The following EXOC3 variants were observed in gnomAD, a reference collection of about 807,000 sequenced individuals.
EXOC3 encodes the protein SEC6-like 1.
Under a neutral mutation model 73.7 loss-of-function variants are expected in EXOC3, and 21 were observed. That is an observed-to-expected ratio of 0.29 (90% CI 0.20 to 0.41). The LOEUF is 0.41. EXOC3 is among the 10% of genes least tolerant of loss of function. The pLI is 1.00. For synonymous variants in EXOC3, 410 were observed against 389.1 expected, an observed-to-expected ratio of 1.05 and a Z score of -0.63; for missense variants, 842 against 985.1, an observed-to-expected ratio of 0.85 and a Z score of 1.95.
chr5:465,774 G>T lies in EXOC3; in HGVS notation c.1995G>T (p.Val665=). 1 of 1,613,842 alleles carries T rather than the reference G, an allele frequency of 6.2e-7. No homozygotes were observed. The highest frequency in any genetic ancestry group is 8.5e-7 in the Non-Finnish European group (1 of 1,179,828). The change falls in exon 12 of 13, where the codon GTG becomes GTT. Residue 665 remains valine (V), a synonymous_variant. Coordinates refer to ENST00000512944, the MANE Select transcript of EXOC3 (RefSeq NM_007277.5). ...ACACCATCGTGGCTGTGGCCGAAGT[G>T]ATCAAGCTGACAGACCCTTCTCTGC... is the stretch of plus-strand genomic sequence containing the variant. The part of the protein sequence containing the change: ...YCDTIVAVAE[V]IKLTDPSLLY...
rs1204752048 is a variant in EXOC3, at chr5:461,960, A to G, written c.1392A>G (p.Arg464=). The change falls in exon 8 of 13, where the codon AGA becomes AGG. Residue 464 remains arginine (R), a splice_region_variant and synonymous_variant. Coordinates refer to ENST00000512944, the MANE Select transcript of EXOC3 (RefSeq NM_007277.5). The part of the protein sequence containing the change: ...CLQQMNSFLS[R]YKDEAQLYKE... ...CTGACCGAAGCCTGTCTGTCCTCAGATATAAAGATGAAGCGCAGCTGTATA... is the reference window on the plus strand; with the variant it reads ...CTGACCGAAGCCTGTCTGTCCTCAGGTATAAAGATGAAGCGCAGCTGTATA... 1 of 1,582,282 alleles carries G rather than the reference A, an allele frequency of 6.3e-7. No homozygotes were observed. The highest frequency in any genetic ancestry group is 1.3e-5 in the African/African-American group (1 of 74,100).
At position 447,727 on chromosome 5, in the gene EXOC3, G is replaced by A; in HGVS notation, c.339G>A (p.Val113=). 6.3e-7 allele frequency: 1 copy of A among 1,575,740 alleles called. No individual in the cohort carries two copies. Among genetic ancestry groups the A allele is most frequent in the Non-Finnish European group, 8.6e-7 (1 of 1,158,952 alleles). Residue 113 remains valine, a synonymous_variant, in exon 3 of 13, where the codon GTG becomes GTA. Transcript: ENST00000512944. ...VVQHSQLAAA[V]ENLKNIFSVP... is the part of the protein sequence containing the mutation. ...AGCACAGCCAGCTCGCCGCAGCCGT[G>A]GAGAACCTCAAGAACATCTTCTCAG...
chr5:454,440 GGCACATGGCCACCCC>G (rs1737746068), intron 4 of EXOC3, among the ~76,000 whole-genome samples: 2 of 152,218 alleles, frequency 1.3e-5, no homozygotes, highest in South Asian at 4.1e-4. Flanking sequence ...GGCTGGGACT[GGCACATGGCCACCCC>G]ACTGGGGAGG....
chr5:466,493 C>T, intron 12 of EXOC3: 1 of 536,218 alleles, frequency 1.9e-6, no homozygotes, highest in South Asian at 2.9e-5. Flanking sequence ...TGGGCCGGAA[C>T]AAAGATTTAT....
chr5:456,502 T>C (rs1208075628), intron 4 of EXOC3, among the ~76,000 whole-genome samples: 1 of 152,114 alleles, frequency 6.6e-6, no homozygotes, highest in Non-Finnish European at 1.5e-5. Flanking sequence ...AGAACACACG[T>C]CTTCCCCACA....
At position 458,041 on chromosome 5, in the gene EXOC3, G is replaced by A. The variant is rs200747281; in HGVS notation, c.1290+16G>A. The A allele has an allele frequency of 1.9e-4, 309 of 1,610,516 alleles. No individual in the cohort carries two copies. The highest frequency in any genetic ancestry group is 2.4e-4 in the Non-Finnish European group (279 of 1,178,268). On this transcript the variant is annotated intron_variant, in intron 6 of 12. Coordinates refer to ENST00000512944, the MANE Select transcript of EXOC3 (RefSeq NM_007277.5). Reference sequence around the variant, plus strand: ...TGTCTTCCAGGTACCACCTGCAGGGGACTGGCACAGTTCCGTTTCCTAGGT... The same window carrying A: ...TGTCTTCCAGGTACCACCTGCAGGGAACTGGCACAGTTCCGTTTCCTAGGT...
At position 464,427 on chromosome 5, in the gene EXOC3, C is replaced by G; in HGVS notation, c.1776+15C>G. On this transcript the variant is annotated intron_variant, in intron 10 of 12. Coordinates refer to ENST00000512944, the MANE Select transcript of EXOC3 (RefSeq NM_007277.5). The stretch of plus-strand genomic sequence containing the variant: ...CGTATAAGAAGGTAAGAAGGTGGGA[C>G]CTAGTTCCCTCATCACCTTGACGCT... The G allele has an allele frequency of 1.9e-6, 3 of 1,612,342 alleles. No homozygotes were observed. The highest frequency in any genetic ancestry group is 2.5e-6 in the Non-Finnish European group (3 of 1,178,868).
chr5:456,314 T>G (rs1198363651), intron 4 of EXOC3, among the ~76,000 whole-genome samples: 2 of 152,222 alleles, frequency 1.3e-5, no homozygotes, highest in Non-Finnish European at 2.9e-5. Context: ...TTTTGAAATT[T>G]TTATTATTTT....
intron 3 of EXOC3, among the ~76,000 whole-genome samples, chr5:452,523 G>T (rs1737686319): frequency 6.6e-6 from 1 of 152,190 alleles, no homozygotes; most frequent in African/African-American, 2.4e-5. Flanking sequence ...TCTTTTACAG[G>T]AACAGTTTCT....
At chr5:454,701 G>A (rs999590366) in intron 4 of EXOC3, among the ~76,000 whole-genome samples, 1 of 151,962 alleles carries the variant, frequency 6.6e-6, no homozygotes, top group Non-Finnish European at 1.5e-5. Context: ...CAGTGGTGGG[G>A]GTATTCTGAA....
chr5:465,960 G>T (rs10474780), intron 12 of EXOC3, 115 bp downstream of exon 12: 2 of 1,193,914 alleles, frequency 1.7e-6, no homozygotes, highest in Non-Finnish European at 2.3e-6. Context: ...CCTGCAGCAC[G>T]GCAAGGGTTC....
intron 3 of EXOC3, among the ~76,000 whole-genome samples, chr5:450,592 TG>T (rs1210222479): frequency 6.6e-6 from 1 of 152,216 alleles, no homozygotes; most frequent in Non-Finnish European, 1.5e-5. Context: ...GTTTAGCTTC[TG>T]TCTGCTTGTT....
At chr5:459,239 C>A in intron 6 of EXOC3, 120 bp from the exon 7 acceptor site, 17 of 296,298 alleles carry the variant, frequency 5.7e-5, no homozygotes, top group East Asian at 1.0e-4. Flanking sequence ...TTTTTTTTCT[C>A]TGAATTTGGA....
chr5:458,719 T>C (rs928324383), intron 6 of EXOC3, among the ~76,000 whole-genome samples: 5 of 152,230 alleles, frequency 3.3e-5, no homozygotes, highest in Non-Finnish European at 7.3e-5. Context: ...ATCATGTGTT[T>C]TAATTTGAGT....
chr5:456,379 G>C (rs548198578), intron 4 of EXOC3, among the ~76,000 whole-genome samples: 5 of 117,058 alleles, frequency 4.3e-5, no homozygotes, highest in Middle Eastern at 4.2e-3. Context: ...GTCAGTGGAC[G>C]TGGCGCCCGT....
chr5:461,805 A>G (rs1232513784), intron 7 of EXOC3, 155 bp from the exon 8 acceptor site: 3 of 615,220 alleles, frequency 4.9e-6, no homozygotes, highest in Non-Finnish European at 8.8e-6. Context: ...TCCTTCCATT[A>G]GTCTGGATCG....
At chr5:459,041 G>A (rs947699565) in intron 6 of EXOC3, among the ~76,000 whole-genome samples, 11 of 152,186 alleles carry the variant, frequency 7.2e-5, no homozygotes, top group African/African-American at 2.7e-4. Flanking sequence ...CCTGAGGGGC[G>A]CCATCCCGGG....
Position 465,185 on chromosome 5 carries a change from C to G in EXOC3, c.1851C>G (p.Phe617Leu). 1 of 1,595,294 alleles carries G rather than the reference C, an allele frequency of 6.3e-7. No homozygotes were observed. Among genetic ancestry groups the G allele is most frequent in the Non-Finnish European group, 8.5e-7 (1 of 1,171,450 alleles). Residue 617 changes from phenylalanine to leucine, a missense_variant, in exon 11 of 13, where the codon TTC becomes TTG. Physicochemically the swap from Phe to Leu is conservative, Grantham distance 22. Transcript: ENST00000512944. Reference protein sequence around the residue: ...LRAVMQKRISFRSPEERKEGA... With the variant: ...LRAVMQKRISLRSPEERKEGA... ...CGGTCATGCAGAAGCGCATTTCCTT[C>G]CGGAGCCCGGAGGAGCGCAAGGAGG...
Position 465,075 on chromosome 5 carries a change from C to G in EXOC3, c.1777-36C>G, listed in dbSNP as rs1738100404. On this transcript the variant is annotated intron_variant, in intron 10 of 12. Coordinates refer to ENST00000512944, the MANE Select transcript of EXOC3 (RefSeq NM_007277.5). ...TGAGGGTGCTCCTGGCCGCCAGAGC[C>G]GTGGAGCCTGCCGCTGACCGCGCGT... 2.0e-6 allele frequency: 3 copies of G among 1,515,792 alleles called. No individual in the cohort carries two copies. In the East Asian group the frequency reaches 7.4e-5, roughly 37 times the overall value. The allele number at this position is 1,515,792 out of a possible 1,614,324, so 93.9% of individuals were successfully genotyped here.
Sources: allele counts gnomAD v4.1 joint callset (sites outside exome capture counted in the v4.1 genomes callset), GRCh38; gene constraint gnomAD v4.1.1; transcripts MANE v1.5; gene names NCBI Gene and HGNC (gene_info 2026-07-23, HGNC 2026-07-21).